NEU3: variants seen among roughly 807,000 people sequenced by gnomAD.
NEU3 encodes neuraminidase 3, also known as sialidase-3.
Under a neutral mutation model 11.4 loss-of-function variants are expected in NEU3, and 10 were observed. That is an observed-to-expected ratio of 0.88 (90% CI 0.54 to 1.49). The LOEUF (loss-of-function observed/expected upper bound fraction) is 1.49. Ranked by LOEUF, NEU3 falls within the 40% of genes most tolerant of loss-of-function variation. The pLI is 0.00. For synonymous variants in NEU3, 212 were observed against 228.2 expected (o/e 0.93, Z 0.64); for missense variants, 529 against 581.8 (o/e 0.91, Z 0.93).
At chr11:75,014,348 G>C (rs1948972404), downstream of NEU3, among the ~76,000 whole-genome samples, 2 of 152,112 alleles carry the variant, frequency 1.3e-5, no homozygotes, top group Admixed American at 6.5e-5. Context: ...GATAGATTCT[G>C]TTTGGGACTA....
chr11:74,997,840 G>C (rs1409770735), intron 2 of NEU3, among the ~76,000 whole-genome samples: 2 of 148,790 alleles, frequency 1.3e-5, no homozygotes, highest in East Asian at 4.0e-4. Context: ...TCCAGCCTGG[G>C]TGACAAAGGG....
rs528038552 is a variant in NEU3, at chr11:74,997,141, A to G, written c.306+2421A>G. Among the ~76,000 whole-genome samples the G allele has an allele frequency of 2.0e-5, 3 of 152,374 alleles. No individual in the cohort carries two copies. In the East Asian group the frequency reaches 5.8e-4, roughly 29 times the overall value. ...TCTAGCCATGAAAGTCCTAGATGGC[A>G]TCTTTCAGTAGAAGGCTGTTTTGTC... On this transcript the variant is annotated intron_variant, in intron 2 of 2. Transcript: ENST00000294064.
chr11:75,019,387 G>C (rs1565501175), downstream of NEU3, among the ~76,000 whole-genome samples: 1 of 152,180 alleles, frequency 6.6e-6, no homozygotes, highest in Non-Finnish European at 1.5e-5. Context: ...GCTGGGCCCA[G>C]GGTCCCCGTG....
chr11:75,005,550 A>G lies in NEU3; in HGVS notation c.444A>G (p.Gln148=). The G allele has an allele frequency of 6.2e-7, 1 of 1,613,972 alleles. No individual in the cohort carries two copies. ...ICVRGHVTER[Q]QIVSGRNAAR... ...TGCGGGGCCATGTCACAGAGCGTCAACAGATTGTGTCAGGCAGGAATGCTG... is the reference window on the plus strand; with the variant it reads ...TGCGGGGCCATGTCACAGAGCGTCAGCAGATTGTGTCAGGCAGGAATGCTG... Residue 148 remains glutamine (Q), a synonymous_variant, in exon 3 of 3, where the codon CAA becomes CAG. Transcript: ENST00000294064.
rs527908495 is a variant in NEU3 at position 74,990,015 on chromosome 11, A to C, written c.94+861A>C. ...TGGCAATGCCAGAATCACCATCTAT[A>C]TTACTTCTGTCATCAACACGATCAG... On this transcript the variant is annotated intron_variant, in intron 1 of 2. Coordinates refer to ENST00000294064, the MANE Select transcript of NEU3 (RefSeq NM_006656.6). 7.7e-5 allele frequency: 54 copies of C among 702,526 alleles called. No homozygotes were observed. In the East Asian group the frequency reaches 1.4e-3, roughly 18 times the overall value. The allele number at this position is 702,526 out of a possible 1,614,324, so 43.5% of individuals were successfully genotyped here.
rs1218118904 is a variant in NEU3, at chr11:75,007,674, G to C, written c.*1182G>C. 1.3e-5 allele frequency: 2 copies of C among 152,190 alleles called. No homozygotes were observed. Among genetic ancestry groups the C allele is most frequent in the Non-Finnish European group, 2.9e-5 (2 of 68,032 alleles). 9.4% of individuals were successfully genotyped at this position (152,190 alleles called of 1,614,324 possible). A position where few individuals can be genotyped will look rare whatever the true frequency, so the allele number is the denominator to read the frequency against. ...TAGGCCCATGGAAATCACTACTTGT[G>C]AAGTAGAGATGCCTTTTTGTCTAAT... On this transcript the variant is annotated 3_prime_UTR_variant, in exon 3 of 3. Coordinates refer to ENST00000294064, the MANE Select transcript of NEU3 (RefSeq NM_006656.6).
chr11:74,996,071 T>C (rs1051201959), intron 2 of NEU3, among the ~76,000 whole-genome samples: 2 of 152,250 alleles, frequency 1.3e-5, no homozygotes, highest in South Asian at 2.1e-4. Context: ...GGAGGATTGC[T>C]TGAGCCCAGA....
intron 2 of NEU3, chr11:74,994,939 A>ACAGAATGGCTGT: frequency 1.5e-6 from 1 of 665,248 alleles, no homozygotes; most frequent in Non-Finnish European, 2.7e-6. Flanking sequence ...TACTGTTTTC[A>ACAGAATGGCTGT]GTCATATTTT....
the NEU3 span, among the ~76,000 whole-genome samples, chr11:74,982,511 G>A: frequency 6.6e-6 from 1 of 152,110 alleles, no homozygotes; most frequent in Non-Finnish European, 1.5e-5. Flanking sequence ...GGTCACCTTC[G>A]ACAGTTTTAT....
intron 3 of NEU3, among the ~76,000 whole-genome samples, chr11:75,016,855 A>G (rs987602426): frequency 5.3e-5 from 8 of 152,328 alleles, no homozygotes; most frequent in South Asian, 2.1e-4. Flanking sequence ...TGCCAGTCCA[A>G]TCATCCAGGT....
At chr11:75,004,270 T>G in intron 2 of NEU3, 1 of 680,100 alleles carries the variant, frequency 1.5e-6, no homozygotes, top group Non-Finnish European at 2.6e-6. Context: ...AAGTGTTATG[T>G]CAATTTAGTT....
chr11:74,985,170 C>G (rs1327695240), upstream of NEU3, among the ~76,000 whole-genome samples: 13 of 152,108 alleles, frequency 8.5e-5, no homozygotes, highest in Non-Finnish European at 1.9e-4. Flanking sequence ...TTGGAGAAGT[C>G]TGATAAAGAA....
intron 2 of NEU3, among the ~76,000 whole-genome samples, chr11:74,995,423 G>T (rs1948779919): frequency 6.6e-6 from 1 of 152,138 alleles, no homozygotes; most frequent in Admixed American, 6.5e-5. Flanking sequence ...TTTTTAGTGA[G>T]GAAAGAAGGG....
chr11:74,995,830 C>A (rs1399322632), intron 2 of NEU3, among the ~76,000 whole-genome samples: 1 of 151,258 alleles, frequency 6.6e-6, no homozygotes, highest in Non-Finnish European at 1.5e-5. Context: ...TTTCTAGAAG[C>A]ATTTCTTACT....
chr11:75,018,555 G>A (rs1948990462), intron 3 of NEU3: 1 of 152,176 alleles, frequency 6.6e-6, no homozygotes, highest in Non-Finnish European at 1.5e-5. Flanking sequence ...CAGACTCCAA[G>A]TTCTTCAGTT....
chr11:75,004,530 A>G (rs1948878961), intron 2 of NEU3: 3 of 451,540 alleles, frequency 6.6e-6, no homozygotes, highest in South Asian at 5.3e-5. Flanking sequence ...TTTTCTTACC[A>G]ATTTCTACTA....
At chr11:74,987,971 C>A (rs1202835969), upstream of NEU3, among the ~76,000 whole-genome samples, 1 of 130,244 alleles carries the variant, frequency 7.7e-6, no homozygotes, top group African/African-American at 3.0e-5. Context: ...TTTCAAAGAA[C>A]CCTCATCATT....
At position 75,018,497 on chromosome 11, in the gene NEU3, C is replaced by T. The variant is rs143035039; in HGVS notation, c.*2-194C>T. Among the ~76,000 whole-genome samples, 287 of 152,240 alleles carry T rather than the reference C, an allele frequency of 1.9e-3. 6 individuals are homozygous for T. In the East Asian group the frequency reaches 0.049, roughly 26 times the overall value. ...GAAAAGACTTGACTGGCCTAGCCTC[C>T]CAGCCTACATCTTTCTCCCTTGCTG... On this transcript the variant is annotated intron_variant, in intron 3 of 3. Coordinates refer to the NEU3 transcript ENST00000529024.
intron 2 of NEU3, among the ~76,000 whole-genome samples, chr11:74,999,105 T>C (rs1948819144): frequency 6.6e-6 from 1 of 151,878 alleles, no homozygotes; most frequent in South Asian, 2.1e-4. Flanking sequence ...TACACCACTG[T>C]GCCCAGCCTT....
Sources: gnomAD v4.1 joint callset for allele counts (sites outside exome capture counted in the v4.1 genomes callset) on GRCh38, gnomAD v4.1.1 for gene constraint, MANE v1.5 for transcripts, NCBI Gene and HGNC (gene_info 2026-07-23, HGNC 2026-07-21) for gene names.